The following FTCDNL1 variants were observed in gnomAD, a reference collection of about 807,000 sequenced individuals.
FTCDNL1 encodes formiminotransferase cyclodeaminase N-terminal like.
FTCDNL1 carries 11 observed loss-of-function variants against 5.9 expected under a neutral mutation model. The observed-to-expected ratio is 1.87, with a 90% CI of 1.18 to 3.10. FTCDNL1 has a LOEUF of 3.10. Ranked by LOEUF, FTCDNL1 falls within the 30% of genes most tolerant of loss-of-function variation. The pLI is 0.00. For synonymous variants in FTCDNL1, 58 were observed against 24.8 expected, an observed-to-expected ratio of 2.34 and a Z score of -3.99; for missense variants, 115 against 65.5, an observed-to-expected ratio of 1.76 and a Z score of -2.61.
At chr2:199,726,018 A>T in the FTCDNL1 span, among the ~76,000 whole-genome samples, 1 of 151,276 alleles carries the variant, frequency 6.6e-6, no homozygotes, top group African/African-American at 2.4e-5. Flanking sequence ...TCTTTTAGGT[A>T]CCCCAATCAT....
At chr2:199,805,125 T>C (rs894151669), downstream of FTCDNL1, among the ~76,000 whole-genome samples, 1 of 152,122 alleles carries the variant, frequency 6.6e-6, no homozygotes, top group Non-Finnish European at 1.5e-5. Flanking sequence ...AGAGCCACTG[T>C]CAAGGTGAAG....
chr2:199,813,395 CT>C (rs11333502), intron 4 of FTCDNL1, among the ~76,000 whole-genome samples: 96,923 of 151,850 alleles, frequency 0.64, 31,158 homozygotes, highest in South Asian at 0.77. Context: ...AAGTGTTTCA[CT>C]TTAGGAGTGC....
At chr2:199,742,151 C>T in the FTCDNL1 span, among the ~76,000 whole-genome samples, 2 of 151,868 alleles carry the variant, frequency 1.3e-5, no homozygotes, top group African/African-American at 2.4e-5. Context: ...CATCCTGGGG[C>T]TTCTGTGTTC....
downstream of FTCDNL1, among the ~76,000 whole-genome samples, chr2:199,806,642 CT>C (rs1394901957): frequency 6.6e-6 from 1 of 152,072 alleles, no homozygotes; most frequent in Non-Finnish European, 1.5e-5. Flanking sequence ...TATTACCTCC[CT>C]TTTGTTTTAT....
downstream of FTCDNL1, among the ~76,000 whole-genome samples, chr2:199,807,114 A>G (rs1700767662): frequency 6.6e-6 from 1 of 152,190 alleles, no homozygotes; most frequent in African/African-American, 2.4e-5. Context: ...TCATTCTGTC[A>G]GGTCTTCTCA....
chr2:199,834,861 C>G (rs1318430093), intron 3 of FTCDNL1, among the ~76,000 whole-genome samples: 1 of 152,100 alleles, frequency 6.6e-6, no homozygotes, highest in Admixed American at 6.5e-5. Flanking sequence ...CAATGCTTTC[C>G]CAAAGCCTCT....
downstream of FTCDNL1, among the ~76,000 whole-genome samples, chr2:199,757,200 G>C (rs1443584900): frequency 1.3e-5 from 2 of 152,214 alleles, no homozygotes; most frequent in African/African-American, 4.8e-5. Flanking sequence ...TAACACAGGA[G>C]TGCTTGGACC....
the FTCDNL1 span, among the ~76,000 whole-genome samples, chr2:199,748,301 G>A: frequency 3.9e-4 from 60 of 152,234 alleles, no homozygotes; most frequent in Non-Finnish European, 7.1e-4. Context: ...ATATAGATCA[G>A]CTAGGACTTT....
intron 3 of FTCDNL1, chr2:199,760,843 TA>T: frequency 1.4e-6 from 1 of 702,336 alleles, no homozygotes; most frequent in South Asian, 1.5e-5. Flanking sequence ...CCACTGGGAA[TA>T]AGGGAAGGAG....
the FTCDNL1 span, among the ~76,000 whole-genome samples, chr2:199,712,032 C>T: frequency 6.6e-6 from 1 of 152,074 alleles, no homozygotes; most frequent in Admixed American, 6.6e-5. Flanking sequence ...ATCCAAAAAG[C>T]TTCTATGCAG....
At chr2:199,697,011 A>G in the FTCDNL1 span, among the ~76,000 whole-genome samples, 1 of 152,158 alleles carries the variant, frequency 6.6e-6, no homozygotes, top group Non-Finnish European at 1.5e-5. Flanking sequence ...TTCATAATAC[A>G]CTTGTAATCC....
the FTCDNL1 span, among the ~76,000 whole-genome samples, chr2:199,717,878 A>G: frequency 0.75 from 114,360 of 151,472 alleles, 45,375 homozygotes; most frequent in South Asian, 0.93. Context: ...AATTGCAAAG[A>G]CAGCCAGAAG....
At chr2:199,765,556 A>ATATATT in intron 3 of FTCDNL1, among the ~76,000 whole-genome samples, 37 of 42,610 alleles carry the variant, frequency 8.7e-4, no homozygotes, top group South Asian at 1.9e-3. Context: ...ATATATATAT[A>ATATATT]TTTTTTTTTT....
chr2:199,750,063 T>TA, the FTCDNL1 span, among the ~76,000 whole-genome samples: 2 of 151,272 alleles, frequency 1.3e-5, no homozygotes, highest in Non-Finnish European at 1.5e-5. Flanking sequence ...AAATTTAAAT[T>TA]AAAAAATAGG....
At chr2:199,695,881 A>T in the FTCDNL1 span, among the ~76,000 whole-genome samples, 1 of 152,158 alleles carries the variant, frequency 6.6e-6, no homozygotes, top group Non-Finnish European at 1.5e-5. Context: ...GCCTTTGTTG[A>T]CTGTCAGAAC....
intron 3 of FTCDNL1, among the ~76,000 whole-genome samples, chr2:199,834,656 G>A (rs1013782449): frequency 6.6e-6 from 1 of 152,130 alleles, no homozygotes; most frequent in Non-Finnish European, 1.5e-5. Flanking sequence ...AGTTATTGTA[G>A]TCTCCATTTC....
At chr2:199,806,536 C>A (rs560540085), downstream of FTCDNL1, among the ~76,000 whole-genome samples, 2 of 152,352 alleles carry the variant, frequency 1.3e-5, no homozygotes, top group African/African-American at 4.8e-5. Flanking sequence ...TTGCAGATCT[C>A]TCACAGAGTG....
chr2:199,780,706 G>A (rs1699322073), intron 3 of FTCDNL1, among the ~76,000 whole-genome samples: 1 of 152,148 alleles, frequency 6.6e-6, no homozygotes. Flanking sequence ...CTTAGGGCAT[G>A]GCTGCTGCAC....
chr2:199,752,178 G>T, the FTCDNL1 span, among the ~76,000 whole-genome samples: 2 of 151,922 alleles, frequency 1.3e-5, no homozygotes, highest in African/African-American at 2.4e-5. Flanking sequence ...AGGATGCCTC[G>T]ACTTCCAGGC....
Sources: gnomAD v4.1 joint callset for allele counts (sites outside exome capture counted in the v4.1 genomes callset) on GRCh38, gnomAD v4.1.1 for gene constraint, MANE v1.5 for transcripts, NCBI Gene and HGNC (gene_info 2026-07-23, HGNC 2026-07-21) for gene names.